Variants in AQR observed in about 807,000 individuals in gnomAD.
The protein encoded by AQR is aquarius intron-binding spliceosomal factor, also known as RNA helicase aquarius.
A neutral mutation model predicts 180.5 loss-of-function variants in AQR; 61 were observed. That is an observed-to-expected ratio of 0.34 (90% CI 0.28 to 0.42). The LOEUF is 0.42. AQR is among the 10% of genes least tolerant of loss of function. The pLI is 1.00. For synonymous variants in AQR, 551 were observed against 588.8 expected, an observed-to-expected ratio of 0.94 and a Z score of 0.93; for missense variants, 1,281 against 1,798.3, an observed-to-expected ratio of 0.71 and a Z score of 5.20.
At chr15:34,862,494 A>T (rs1892682997) in intron 33 of AQR, among the ~76,000 whole-genome samples, 1 of 152,188 alleles carries the variant, frequency 6.6e-6, no homozygotes. Flanking sequence ...GAGATAATGT[A>T]TGTAAAGAAC....
intron 2 of AQR, among the ~76,000 whole-genome samples, chr15:34,961,251 A>G (rs573818457): frequency 6.6e-6 from 1 of 152,310 alleles, no homozygotes; most frequent in South Asian, 2.1e-4. Flanking sequence ...TATCCAAATG[A>G]ATATGATAGA....
At chr15:34,927,208 A>G in intron 12 of AQR, 70 bp from the exon 13 acceptor site, 2 of 869,336 alleles carry the variant, frequency 2.3e-6, no homozygotes, top group Non-Finnish European at 3.3e-6. Flanking sequence ...ACTATTTAAG[A>G]ATGAAAATAT....
chr15:34,937,883 CA>C (rs201185376), intron 9 of AQR, among the ~76,000 whole-genome samples: 5 of 145,622 alleles, frequency 3.4e-5, no homozygotes, highest in East Asian at 2.0e-4. Context: ...CACTCTGTCT[CA>C]AAAAAAAATA....
intron 1 of AQR, among the ~76,000 whole-genome samples, chr15:34,968,773 T>A (rs1198549472): frequency 6.6e-6 from 1 of 152,166 alleles, no homozygotes; most frequent in Non-Finnish European, 1.5e-5. Context: ...ATTTAGAATG[T>A]AGAAATGTAG....
In AQR at chr15:34,969,626, C is replaced by T; in HGVS notation, c.-13G>A. 1.2e-5 allele frequency: 19 copies of T among 1,612,186 alleles called. No individual in the cohort carries two copies. The highest frequency in any genetic ancestry group is 1.6e-5 in the Non-Finnish European group (19 of 1,179,842). ...CAGGGGCTGCCATGGCAGCACTCTT[C>T]CCTCCACTCCAGTGGAAACTAAAGG... On this transcript the variant is annotated 5_prime_UTR_variant, in exon 1 of 35. Transcript: ENST00000156471.
At position 34,906,206 on chromosome 15, in the gene AQR, C is replaced by T. The variant is rs1360864826; in HGVS notation, c.1831+339G>A. Among the ~76,000 whole-genome samples the T allele has an allele frequency of 2.0e-5, 3 of 151,908 alleles. 1 individual carries two copies. Among genetic ancestry groups the T allele is most frequent in the African/African-American group, 7.3e-5 (3 of 41,302 alleles). On this transcript the variant is annotated intron_variant, in intron 18 of 34. Transcript: ENST00000156471. ...ACCAGCCTGGGCAACATGGGGAAAC[C>T]CCATCTCTACAAAAATTAACCGGGC...
chr15:34,940,796 G>T lies in AQR; in HGVS notation c.641+103C>A, dbSNP rs539339200. The T allele has an allele frequency of 6.2e-6, 5 of 807,150 alleles. No individual in the cohort carries two copies. In the South Asian group the frequency reaches 6.3e-5, roughly 10 times the overall value. The allele number at this position is 807,150 out of a possible 1,614,324, so 50.0% of individuals were successfully genotyped here. A position where few individuals can be genotyped will look rare whatever the true frequency, so the allele number is the denominator to read the frequency against. On this transcript the variant is annotated intron_variant, in intron 8 of 34. Transcript: ENST00000156471. ...AAGCACTTATTATAATAATTTATTT[G>T]CACTCAGCACTATATAAAGGGAAAC... is the stretch of plus-strand genomic sequence containing the variant.
Position 34,947,412 on chromosome 15 carries a change from C to A in AQR, c.330+852G>T, listed in dbSNP as rs1894145221. Among the ~76,000 whole-genome samples the A allele has an allele frequency of 1.3e-5, 2 of 149,206 alleles. 1 individual carries two copies. The highest frequency in any genetic ancestry group is 1.3e-4 in the Admixed American group (2 of 15,052). The stretch of plus-strand genomic sequence containing the variant: ...GTCCTCTGCCTAGGAAAACCAGAGA[C>A]CTTTGTTCACTTGTTTATCTGCTGA... On this transcript the variant is annotated intron_variant, in intron 5 of 34. Coordinates refer to ENST00000156471, the MANE Select transcript of AQR (RefSeq NM_014691.3).
At position 34,893,607 on chromosome 15, in the gene AQR, G is replaced by GCACACA. The variant is rs386382691; in HGVS notation, c.2571+50_2571+55dup. 7.8e-3 allele frequency: 7,752 copies of GCACACA among 997,448 alleles called. 87 individuals carry two copies. Among genetic ancestry groups the GCACACA allele is most frequent in the East Asian group, 0.039 (1,348 of 34,864 alleles). 61.8% of individuals were successfully genotyped at this position (997,448 alleles called of 1,614,324 possible). A position where few individuals can be genotyped will look rare whatever the true frequency, so the allele number is the denominator to read the frequency against. ...CATACCCATGTGCATGCGCATGCGTGCACACACACACACACACACACACAC... is the reference window on the plus strand; with the variant it reads ...CATACCCATGTGCATGCGCATGCGTGCACACACACACACACACACACACACACACAC... On this transcript the variant is annotated intron_variant, in intron 23 of 34. Transcript: ENST00000156471.
At chr15:34,867,017 T>A (rs1264972705) in intron 32 of AQR, among the ~76,000 whole-genome samples, 1 of 152,126 alleles carries the variant, frequency 6.6e-6, no homozygotes, top group Admixed American at 6.5e-5. Context: ...TAAGAAGATA[T>A]TATTTCCGTA....
chr15:34,904,462 A>G lies in AQR; in HGVS notation c.1875T>C (p.Phe625=), dbSNP rs1467975016. ...ACTGGTTTGGATCCAAAAACACTCT[A>G]AATGTCCTTGATTCTCCTCTAAGAT... is the stretch of plus-strand genomic sequence containing the variant. ...RPNLRGESRT[F]RVFLDPNQYQ... is the part of the protein sequence containing the mutation. The change falls in exon 19 of 35, where the codon TTT becomes TTC. Residue 625 remains phenylalanine (F), a synonymous_variant. Transcript: ENST00000156471. 1 of 1,612,264 alleles carries G rather than the reference A, an allele frequency of 6.2e-7. No homozygotes were observed. Among genetic ancestry groups the G allele is most frequent in the Non-Finnish European group, 8.5e-7 (1 of 1,179,186 alleles).
chr15:34,874,478 G>A (rs1892864701), intron 29 of AQR, 199 bp downstream of exon 29: 1 of 537,512 alleles, frequency 1.9e-6, no homozygotes, highest in African/African-American at 2.0e-5. Flanking sequence ...TAATATTAAT[G>A]AATGAAATGA....
intron 8 of AQR, 66 bp from the exon 9 acceptor site, chr15:34,938,879 A>G: frequency 2.5e-6 from 3 of 1,181,982 alleles, no homozygotes; most frequent in East Asian, 2.4e-5. Context: ...TAAACTTTAA[A>G]TGTTGACCAC....
chr15:34,953,041 A>AT (rs1894256628), intron 3 of AQR, 121 bp from the exon 4 acceptor site: 1 of 567,644 alleles, frequency 1.8e-6, no homozygotes, highest in African/African-American at 2.0e-5. Flanking sequence ...AAAATTCATA[A>AT]TATCAGATCA....
intron 5 of AQR, among the ~76,000 whole-genome samples, chr15:34,945,317 A>G (rs571948445): frequency 6.6e-6 from 1 of 152,268 alleles, no homozygotes; most frequent in South Asian, 2.1e-4. Flanking sequence ...CTCACTCTCT[A>G]TTACCTATCT....
chr15:34,902,489 C>T lies in AQR; in HGVS notation c.2002-1626G>A, dbSNP rs1893346437. On this transcript the variant is annotated intron_variant, in intron 19 of 34. Transcript: ENST00000156471. Reference sequence around the variant, plus strand: ...TTCTTGGATCAGAAACTAAATGCCTCCTTTGAACTTTCAGGACACTTTTAT... The same window carrying T: ...TTCTTGGATCAGAAACTAAATGCCTTCTTTGAACTTTCAGGACACTTTTAT... Among the ~76,000 whole-genome samples the T allele has an allele frequency of 2.0e-5, 3 of 152,056 alleles. No individual in the cohort carries two copies. In the South Asian group the frequency reaches 6.2e-4, roughly 32 times the overall value.
intron 13 of AQR, among the ~76,000 whole-genome samples, chr15:34,920,692 C>A (rs1389831725): frequency 6.6e-6 from 1 of 152,182 alleles, no homozygotes; most frequent in African/African-American, 2.4e-5. Flanking sequence ...GGCAAGGTGG[C>A]TCAGGCCTGT....
Position 34,882,573 on chromosome 15 carries a change from C to T in AQR, c.3094G>A (p.Ala1032Thr). The change falls in exon 27 of 35, where the codon GCC becomes ACC. Residue 1032 changes from alanine (A) to threonine (T), a missense_variant. By Grantham distance (58) the Ala-to-Thr change is moderately conservative. Transcript: ENST00000156471. Reference sequence around the variant, plus strand: ...GTACAGGTCATAGCAATAATTTTGGCTTCTTTCACTAAAAGGTATTTAGAT... The same window carrying T: ...GTACAGGTCATAGCAATAATTTTGGTTTCTTTCACTAAAAGGTATTTAGAT... ...DRSKYLLVKE[A>T]KIIAMTCTHA... 6.2e-7 allele frequency: 1 copy of T among 1,612,522 alleles called. No homozygotes were observed. The highest frequency in any genetic ancestry group is 8.5e-7 in the Non-Finnish European group (1 of 1,179,478).
chr15:34,862,946 G>T lies in AQR; in HGVS notation c.3950C>A (p.Thr1317Asn). 7 of 1,613,934 alleles carry T rather than the reference G, an allele frequency of 4.3e-6. No individual in the cohort carries two copies. The highest frequency in any genetic ancestry group is 5.1e-6 in the Non-Finnish European group (6 of 1,179,888). ...AGCTGTGAGCTGACTGAAAGCTGGA[G>T]TCAGTTCAAAACAGTTTTGGAAGAG... ...VSLFQNCFEL[T>N]PAFSQLTARP... The change falls in exon 33 of 35, where the codon ACT (threonine) becomes AAT (asparagine). Residue 1317 changes from threonine to asparagine, a missense_variant. Around this residue, in one of 9 missense-constraint regions of AQR, gnomAD observed 197 missense variants for 320.7 expected, o/e 0.61. Coordinates refer to ENST00000156471, the MANE Select transcript of AQR (RefSeq NM_014691.3).
Sources: gnomAD v4.1 joint callset for allele counts (sites outside exome capture counted in the v4.1 genomes callset) on GRCh38, gnomAD v4.1.1 for gene constraint, gnomAD v4.1.1 regional missense constraint, MANE v1.5 for transcripts, NCBI Gene and HGNC (gene_info 2026-07-23, HGNC 2026-07-21) for gene names.